Variants in TNNI3K observed in about 807,000 individuals in gnomAD.
TNNI3K encodes the protein TNNI3 interacting kinase.
TNNI3K carries 140 observed loss-of-function variants against 114.5 expected under a neutral mutation model. The ratio of observed to expected loss-of-function variants is 1.22; its 90% CI spans 1.07 to 1.41. The LOEUF is 1.41. Ranked by LOEUF, TNNI3K falls within the 40% of genes most tolerant of loss-of-function variation. TNNI3K has a pLI of 0.00. For synonymous variants in TNNI3K, 347 were observed against 347.5 expected, an observed-to-expected ratio of 1.00 and a Z score of 0.02; for missense variants, 1,125 against 1,007.6, an observed-to-expected ratio of 1.12 and a Z score of -1.58.
chr1:74,432,511 C>A (rs1440138243), intron 17 of TNNI3K, among the ~76,000 whole-genome samples: 1 of 152,056 alleles, frequency 6.6e-6, no homozygotes, highest in East Asian at 1.9e-4. Flanking sequence ...TGGCTTACTT[C>A]CCAGGTCAAA....
intron 11 of TNNI3K, among the ~76,000 whole-genome samples, chr1:74,362,219 C>T (rs1211189070): frequency 6.6e-6 from 1 of 152,070 alleles, no homozygotes; most frequent in Non-Finnish European, 1.5e-5. Context: ...GAGTTTTTAA[C>T]ATAATGGGAA....
intron 4 of TNNI3K, among the ~76,000 whole-genome samples, chr1:74,261,175 G>A (rs1208868172): frequency 2.0e-5 from 3 of 151,676 alleles, no homozygotes; most frequent in African/African-American, 7.3e-5. Flanking sequence ...CGTCTATTCA[G>A]TTGAAGTGTC....
intron 21 of TNNI3K, chr1:74,480,256 G>T (rs1244620963): frequency 1.4e-6 from 1 of 717,514 alleles, no homozygotes; most frequent in Non-Finnish European, 2.6e-6. Flanking sequence ...AATCACAGTT[G>T]GTCTCAGACA....
intron 10 of TNNI3K, among the ~76,000 whole-genome samples, chr1:74,353,582 A>C (rs1399634993): frequency 6.6e-6 from 1 of 151,322 alleles, no homozygotes; most frequent in Admixed American, 6.6e-5. Flanking sequence ...CAGTCAGTGC[A>C]TCCTCTTATG....
intron 20 of TNNI3K, among the ~76,000 whole-genome samples, chr1:74,450,135 C>A (rs545237539): frequency 2.5e-4 from 36 of 145,892 alleles, no homozygotes; most frequent in South Asian, 2.1e-3. Context: ...GGAAACTGAA[C>A]AACCTGCTCC....
At chr1:74,347,811 G>T (rs1369831977) in intron 9 of TNNI3K, among the ~76,000 whole-genome samples, 2 of 152,178 alleles carry the variant, frequency 1.3e-5, no homozygotes, top group African/African-American at 4.8e-5. Flanking sequence ...TTTGAGAAGT[G>T]TCTGTTCATA....
intron 5 of TNNI3K, among the ~76,000 whole-genome samples, chr1:74,292,555 C>T (rs1189297678): frequency 2.6e-5 from 4 of 151,504 alleles, no homozygotes; most frequent in Non-Finnish European, 4.4e-5. Context: ...GTACTGTAAG[C>T]AAAGAACTTC....
chr1:74,309,955 A>G (rs976230721), intron 5 of TNNI3K, among the ~76,000 whole-genome samples: 2 of 152,146 alleles, frequency 1.3e-5, no homozygotes, highest in Admixed American at 1.3e-4. Context: ...GAAGTTGTAG[A>G]CAGAGCAATT....
intron 5 of TNNI3K, among the ~76,000 whole-genome samples, chr1:74,322,770 A>G (rs1266015095): frequency 6.6e-6 from 1 of 152,002 alleles, no homozygotes; most frequent in Non-Finnish European, 1.5e-5. Flanking sequence ...CCATCTTAAT[A>G]TATCTGAAAT....
At chr1:74,306,931 T>A (rs1658678038) in intron 5 of TNNI3K, among the ~76,000 whole-genome samples, 1 of 152,188 alleles carries the variant, frequency 6.6e-6, no homozygotes, top group African/African-American at 2.4e-5. Context: ...ATAAATTATT[T>A]GCCTAGGTCA....
chr1:74,459,718 T>C (rs1667366713), intron 20 of TNNI3K, among the ~76,000 whole-genome samples: 1 of 152,228 alleles, frequency 6.6e-6, no homozygotes, highest in Admixed American at 6.5e-5. Context: ...TGAATGCCTG[T>C]TCTGTAGCTT....
chr1:74,468,090 C>G (rs1458055085), intron 21 of TNNI3K: 1 of 151,976 alleles, frequency 6.6e-6, no homozygotes, highest in Non-Finnish European at 1.5e-5. Context: ...GACTGGATTT[C>G]AGAAATGGAA....
At chr1:74,270,444 G>C (rs1315605414) in intron 4 of TNNI3K, among the ~76,000 whole-genome samples, 3 of 151,602 alleles carry the variant, frequency 2.0e-5, no homozygotes, top group African/African-American at 7.3e-5. Context: ...GCCAATGAAA[G>C]AAGAAAGGTT....
intron 21 of TNNI3K, chr1:74,475,771 T>G: frequency 1.6e-6 from 1 of 634,480 alleles, no homozygotes; most frequent in Non-Finnish European, 2.9e-6. Flanking sequence ...GAGTTTCCAG[T>G]TAAATACAAC....
intron 21 of TNNI3K, chr1:74,475,829 C>A (rs532867958): frequency 3.1e-5 from 17 of 541,932 alleles, no homozygotes; most frequent in African/African-American, 1.9e-4. Context: ...AATAGAGAGA[C>A]CATTAAAAGA....
rs12141619 is a variant in TNNI3K at position 74,370,520 on chromosome 1, C to T, written c.1772+128C>T. 0.07 allele frequency: 47,337 copies of T among 678,098 alleles called. 1,816 individuals carry two copies. The highest frequency in any genetic ancestry group is 0.091 in the Middle Eastern group (346 of 3,820). The allele number at this position is 678,098 out of a possible 1,614,324, so 42.0% of individuals were successfully genotyped here. A position where few individuals can be genotyped will look rare whatever the true frequency, so the allele number is the denominator to read the frequency against. On this transcript the variant is annotated intron_variant, in intron 17 of 24. Coordinates refer to ENST00000326637, the MANE Select transcript of TNNI3K (RefSeq NM_015978.3). ...CTCTGTGGTTAAGAGGACAGGCTAC[C>T]ATAAGCTTAGGCGATAGAAAGTTTT...
intron 17 of TNNI3K, among the ~76,000 whole-genome samples, chr1:74,429,070 T>C (rs1272069756): frequency 6.6e-6 from 1 of 152,114 alleles, no homozygotes; most frequent in Non-Finnish European, 1.5e-5. Context: ...CCTCAGGTAG[T>C]TCCTGACAGT....
intron 23 of TNNI3K, among the ~76,000 whole-genome samples, chr1:74,538,124 A>G (rs2100459081): frequency 6.6e-6 from 1 of 152,260 alleles, no homozygotes; most frequent in South Asian, 2.1e-4. Context: ...CAAGCAGTTG[A>G]GAGTGCTCAG....
At chr1:74,514,272 T>A (rs1646315199) in intron 23 of TNNI3K, among the ~76,000 whole-genome samples, 1 of 152,178 alleles carries the variant, frequency 6.6e-6, no homozygotes, top group Non-Finnish European at 1.5e-5. Context: ...TTTTAAAGCG[T>A]TTTCACACAA....
Sources: gnomAD v4.1 joint callset for allele counts (sites outside exome capture counted in the v4.1 genomes callset) on GRCh38, gnomAD v4.1.1 for gene constraint, MANE v1.5 for transcripts, NCBI Gene and HGNC (gene_info 2026-07-23, HGNC 2026-07-21) for gene names.